The following ALOXE3 variants were observed in gnomAD, a reference collection of about 807,000 sequenced individuals.
The protein encoded by ALOXE3 is hydroperoxide isomerase ALOXE3.
ALOXE3 carries 78 observed loss-of-function variants against 87.5 expected under a neutral mutation model. The ratio of observed to expected loss-of-function variants is 0.89; its 90% CI spans 0.74 to 1.08. The LOEUF is 1.08. Among genes scored for constraint, ALOXE3 ranks in the 50% least tolerant of loss-of-function variants. The pLI, the probability that ALOXE3 is intolerant of heterozygous loss-of-function variation, is 0.00. For missense variants in ALOXE3, 946 were observed against 912.4 expected, an observed-to-expected ratio of 1.04 and a Z score of -0.47; for synonymous variants, 363 against 370.8, an observed-to-expected ratio of 0.98 and a Z score of 0.24.
rs1222861475 is a variant in ALOXE3 at position 8,107,998 on chromosome 17, GGAAAGAAAGAAAGAAAGAAAGAAA to G, written c.1684+446_1684+469del. 4.1e-3 allele frequency among the ~76,000 whole-genome samples: 27 copies of G among 6,576 alleles called. 8 individuals are homozygous for G. Among genetic ancestry groups the G allele is most frequent in the East Asian group, 3.1e-3 (3 of 968 alleles). 4.3% of individuals were successfully genotyped at this position (6,576 alleles called of 152,430 possible). A position where few individuals can be genotyped will look rare whatever the true frequency, so the allele number is the denominator to read the frequency against. On this transcript the variant is annotated intron_variant, in intron 13 of 15. Transcript: ENST00000448843. ...AGAGAGAGAGAAAGAAAGAAAGGAA[GGAAAGAAAGAAAGAAAGAAAGAAA>G]GAAAGAAAGAAAGAAAGAAAGAAAG...
rs1025794810 is a variant in ALOXE3 at position 8,111,387 on chromosome 17, T to G, written c.929A>C (p.Gln310Pro). The change falls in exon 8 of 16, where the codon CAG (glutamine) becomes CCG (proline). Residue 310 changes from glutamine to proline, a missense_variant. Gln to Pro is a moderately conservative substitution (Grantham distance 76, BLOSUM62 -1). Coordinates refer to ENST00000448843, the MANE Select transcript of ALOXE3 (RefSeq NM_021628.3). ...TAGCTCTGTCTGCAGGCATGTGTCCTGTCCCAGCAAGGGGGCCACCATGTC... is the reference window on the plus strand; with the variant it reads ...TAGCTCTGTCTGCAGGCATGTGTCCGGTCCCAGCAAGGGGGCCACCATGTC... ...TNDMVAPLLG[Q>P]DTCLQTELER... 6.2e-7 allele frequency: 1 copy of G among 1,613,716 alleles called. No homozygotes were observed. Among genetic ancestry groups the G allele is most frequent in the Admixed American group, 1.7e-5 (1 of 60,022 alleles).
intron 8 of ALOXE3, among the ~76,000 whole-genome samples, chr17:8,111,044 T>C: frequency 6.6e-6 from 1 of 152,192 alleles, no homozygotes; most frequent in East Asian, 1.9e-4. Flanking sequence ...ACAGCTTTCC[T>C]CTAGGCCTCA....
chr17:8,116,666 G>C, intron 3 of ALOXE3, 110 bp downstream of exon 3: 1 of 1,315,996 alleles, frequency 7.6e-7, no homozygotes, highest in Non-Finnish European at 1.1e-6. Flanking sequence ...TGGGAGCCCA[G>C]AGTTTCTGAC....
At chr17:8,114,105 T>A (rs1980357387) in intron 6 of ALOXE3, among the ~76,000 whole-genome samples, 1 of 151,316 alleles carries the variant, frequency 6.6e-6, no homozygotes, top group Non-Finnish European at 1.5e-5. Flanking sequence ...GGATGAATGA[T>A]CGGACAGGCC....
chr17:8,114,143 G>T (rs1980361870), intron 6 of ALOXE3, among the ~76,000 whole-genome samples: 1 of 152,000 alleles, frequency 6.6e-6, no homozygotes, highest in South Asian at 2.1e-4. Context: ...GGGCTCCTAA[G>T]CACTCACTCA....
At chr17:8,115,147 C>CA (rs1980476776) in intron 4 of ALOXE3, 90 bp from the exon 5 acceptor site, 1 of 1,515,368 alleles carries the variant, frequency 6.6e-7, no homozygotes, top group Non-Finnish European at 9.1e-7. Context: ...ATTAAAACTT[C>CA]AAAAACCACC....
intron 7 of ALOXE3, among the ~76,000 whole-genome samples, 159 bp downstream of exon 7, chr17:8,111,934 A>G (rs928777537): frequency 6.6e-6 from 1 of 152,152 alleles, no homozygotes. Context: ...CTCCAGAGGA[A>G]TCTGGGAGAT....
Position 8,112,072 on chromosome 17 carries a change from C to A in ALOXE3, c.784+21G>T, listed in dbSNP as rs750547820. The A allele has an allele frequency of 2.5e-6, 4 of 1,605,090 alleles. No individual in the cohort carries two copies. The African/African-American group carries it at 4.0e-5, about 16-fold the overall frequency. On this transcript the variant is annotated intron_variant, in intron 7 of 15. Transcript: ENST00000448843. The stretch of plus-strand genomic sequence containing the variant: ...ATGAGATAAGGTGAGGGGTAGACAT[C>A]TCCTGCCTGGCTCTGCTCACTTGTC...
intron 13 of ALOXE3, among the ~76,000 whole-genome samples, chr17:8,108,009 AAGAAAG>A (rs1979630840): frequency 1.7e-5 from 1 of 58,616 alleles, no homozygotes; most frequent in Non-Finnish European, 4.1e-5. Context: ...GAAAGAAAGA[AAGAAAG>A]AAAGAAAGAA....
At chr17:8,117,236 C>T (rs1006108682) in intron 2 of ALOXE3, among the ~76,000 whole-genome samples, 1 of 152,170 alleles carries the variant, frequency 6.6e-6, no homozygotes, top group Admixed American at 6.5e-5. Flanking sequence ...CCAGCCTGCC[C>T]GATGAAACCG....
chr17:8,103,113 G>A (rs958529890), intron 15 of ALOXE3, among the ~76,000 whole-genome samples: 4 of 152,210 alleles, frequency 2.6e-5, no homozygotes, highest in Non-Finnish European at 5.9e-5. Context: ...CGGATAAATG[G>A]ATGGACGGAC....
intron 14 of ALOXE3, 81 bp downstream of exon 14, chr17:8,104,034 A>G (rs1979102599): frequency 5.5e-6 from 7 of 1,280,162 alleles, no homozygotes; most frequent in East Asian, 2.5e-5. Context: ...ACGCTGACCC[A>G]CCCAAGCTCT....
intron 12 of ALOXE3, among the ~76,000 whole-genome samples, chr17:8,108,848 G>A (rs1598207016): frequency 6.6e-6 from 1 of 152,042 alleles, no homozygotes. Flanking sequence ...TCTGATTCAT[G>A]CTGCCACCCC....
intron 15 of ALOXE3, among the ~76,000 whole-genome samples, chr17:8,099,370 T>G (rs1567991060): frequency 6.6e-6 from 1 of 151,666 alleles, no homozygotes; most frequent in East Asian, 1.9e-4. Context: ...CTGCCCTTCT[T>G]AGTACTACCA....
At chr17:8,112,780 T>A (rs1316299151) in intron 6 of ALOXE3, among the ~76,000 whole-genome samples, 1 of 120,382 alleles carries the variant, frequency 8.3e-6, no homozygotes, top group African/African-American at 3.0e-5. Flanking sequence ...CAGTGAGCAC[T>A]ATTTTTTTTT....
At chr17:8,114,802 T>C in intron 5 of ALOXE3, 136 bp downstream of exon 5, 2 of 1,476,764 alleles carry the variant, frequency 1.4e-6, no homozygotes, top group South Asian at 1.1e-5. Flanking sequence ...TTTGGGGCCA[T>C]CTCCCATCCT....
rs555160806 is a variant in ALOXE3, at chr17:8,112,403, G to A, written c.681-207C>T. ...TTCATATGCAGCCATCCCTAAGACA[G>A]GTCATTGCACTTGCACATAAAGTTG... On this transcript the variant is annotated intron_variant, in intron 6 of 15. Coordinates refer to ENST00000448843, the MANE Select transcript of ALOXE3 (RefSeq NM_021628.3). Among the ~76,000 whole-genome samples, 4 of 152,318 alleles carry A rather than the reference G, an allele frequency of 2.6e-5. No individual in the cohort carries two copies. The East Asian group carries it at 7.7e-4, about 29-fold the overall frequency.
Position 8,108,461 on chromosome 17 carries a change from G to A in ALOXE3, c.1684+7C>T. On this transcript the variant is annotated splice_region_variant and intron_variant, in intron 13 of 15. Transcript: ENST00000448843. ...GCTACACGGAAAGTGGGATAGAGAG[G>A]GGATACCTGAGCTTTCCCGGCCCAG... The A allele has an allele frequency of 6.2e-7, 1 of 1,612,304 alleles. No homozygotes were observed. Among genetic ancestry groups the A allele is most frequent in the Non-Finnish European group, 8.5e-7 (1 of 1,179,008 alleles).
intron 15 of ALOXE3, among the ~76,000 whole-genome samples, chr17:8,102,433 C>T (rs1978981220): frequency 6.6e-6 from 1 of 152,120 alleles, no homozygotes; most frequent in African/African-American, 2.4e-5. Context: ...GCGGAGGTTG[C>T]AGTGAGCTGA....
Sources: allele counts gnomAD v4.1 joint callset (sites outside exome capture counted in the v4.1 genomes callset), GRCh38; gene constraint gnomAD v4.1.1; transcripts MANE v1.5; gene names NCBI Gene and HGNC (gene_info 2026-07-23, HGNC 2026-07-21).